PRR5L: variants seen among roughly 807,000 people sequenced by gnomAD.
PRR5L encodes proline-rich protein 5-like.
PRR5L carries 21 observed loss-of-function variants against 36.4 expected under a neutral mutation model. That is an observed-to-expected ratio of 0.58 (90% confidence interval 0.41 to 0.83). The LOEUF is 0.83. Among genes scored for constraint, PRR5L ranks in the 40% least tolerant of loss-of-function variants. The pLI, the probability that PRR5L is intolerant of heterozygous loss-of-function variation, is 0.00. For synonymous variants in PRR5L, 188 were observed against 197.0 expected (o/e 0.95, Z 0.38); for missense variants, 381 against 473.3 (o/e 0.80, Z 1.81).
intron 4 of PRR5L, among the ~76,000 whole-genome samples, chr11:36,419,521 T>C (rs1413831168): frequency 1.3e-5 from 2 of 152,244 alleles, no homozygotes; most frequent in Admixed American, 1.3e-4. Flanking sequence ...TCAGGCATTT[T>C]GGTCTCAGGA....
chr11:36,382,644 G>A (rs1857390262), intron 1 of PRR5L, among the ~76,000 whole-genome samples: 1 of 152,192 alleles, frequency 6.6e-6, no homozygotes. Flanking sequence ...CCCTATTGAT[G>A]GTTTTGGCGG....
intron 1 of PRR5L, among the ~76,000 whole-genome samples, chr11:36,343,905 GTT>G (rs1554986223): frequency 6.8e-6 from 1 of 147,638 alleles, no homozygotes; most frequent in African/African-American, 2.5e-5. Flanking sequence ...GTTTTATGTT[GTT>G]TTTTTTTTTT....
In PRR5L at chr11:36,446,361, A is replaced by T; in HGVS notation, c.506A>T (p.Lys169Met). 6.2e-7 allele frequency: 1 copy of T among 1,614,092 alleles called. No homozygotes were observed. The highest frequency in any genetic ancestry group is 2.2e-5 in the East Asian group (1 of 44,866). The change falls in exon 7 of 9, where the codon AAG (lysine) becomes ATG (methionine). Residue 169 changes from lysine (K) to methionine (M), a missense_variant. Coordinates refer to ENST00000530639, the MANE Select transcript of PRR5L (RefSeq NM_001160167.2). The stretch of plus-strand genomic sequence containing the variant: ...GGCTTCCGAGACCTAGTCTTGCTGA[A>T]GGTGAAGCTGGGTGACCTGCTGCTG... Reference protein sequence around the residue: ...LLGFRDLVLLKVKLGDLLLLA... With the variant: ...LLGFRDLVLLMVKLGDLLLLA...
intron 3 of PRR5L, among the ~76,000 whole-genome samples, chr11:36,417,687 A>G (rs10836556): frequency 0.3 from 45,692 of 152,086 alleles, 7,076 homozygotes; most frequent in East Asian, 0.58. Context: ...AATTCAAATC[A>G]TGGGTGGTTC....
intron 1 of PRR5L, among the ~76,000 whole-genome samples, chr11:36,302,785 G>A (rs1856390824): frequency 2.0e-5 from 3 of 151,876 alleles, no homozygotes; most frequent in East Asian, 1.9e-4. Flanking sequence ...GCGAGACTCT[G>A]TCTCAAAATA....
chr11:36,403,460 A>T, intron 3 of PRR5L, 82 bp downstream of exon 3: 2 of 965,290 alleles, frequency 2.1e-6, no homozygotes, highest in African/African-American at 2.1e-5. Flanking sequence ...AGGAGCCTTA[A>T]GGGTTTTTTT....
intron 1 of PRR5L, among the ~76,000 whole-genome samples, chr11:36,349,075 G>T (rs565832423): frequency 6.6e-5 from 10 of 151,938 alleles, no homozygotes; most frequent in Non-Finnish European, 1.2e-4. Flanking sequence ...ACTTGAGGCC[G>T]GGAGTTCAAG....
At chr11:36,371,773 T>C (rs962300617) in intron 1 of PRR5L, among the ~76,000 whole-genome samples, 2 of 152,126 alleles carry the variant, frequency 1.3e-5, no homozygotes, top group African/African-American at 4.8e-5. Flanking sequence ...AATGTGATAA[T>C]GTGGGCTGGG....
At chr11:36,297,320 T>G (rs1196788468) in intron 1 of PRR5L, 1 of 152,230 alleles carries the variant, frequency 6.6e-6, no homozygotes, top group African/African-American at 2.4e-5. Context: ...GTTGACAGCT[T>G]AAGGAATTTT....
At chr11:36,314,961 C>T (rs1401136588) in intron 1 of PRR5L, among the ~76,000 whole-genome samples, 8 of 152,154 alleles carry the variant, frequency 5.3e-5, no homozygotes, top group South Asian at 2.1e-4. Flanking sequence ...CATAGAACAG[C>T]GCCTGGTGTC....
chr11:36,384,379 G>A (rs1310786308), intron 1 of PRR5L, among the ~76,000 whole-genome samples: 1 of 152,064 alleles, frequency 6.6e-6, no homozygotes, highest in Non-Finnish European at 1.5e-5. Context: ...ATTACTTTTG[G>A]ATATTTCCTT....
intron 3 of PRR5L, among the ~76,000 whole-genome samples, chr11:36,404,457 G>A (rs778442880): frequency 6.6e-5 from 10 of 151,830 alleles, no homozygotes; most frequent in Non-Finnish European, 8.8e-5. Context: ...TAGTAGAGAC[G>A]AGGTTTCATC....
intron 1 of PRR5L, among the ~76,000 whole-genome samples, chr11:36,322,786 C>G (rs1015826454): frequency 1.3e-5 from 2 of 152,186 alleles, no homozygotes; most frequent in African/African-American, 2.4e-5. Context: ...GACCTAACCC[C>G]TCATACCTAT....
At chr11:36,308,855 T>G (rs1856462044) in intron 1 of PRR5L, among the ~76,000 whole-genome samples, 1 of 152,170 alleles carries the variant, frequency 6.6e-6, no homozygotes, top group South Asian at 2.1e-4. Context: ...GAGCATAACT[T>G]GGGTAGCCAC....
At chr11:36,436,602 A>C (rs577968219) in intron 5 of PRR5L, among the ~76,000 whole-genome samples, 1 of 152,344 alleles carries the variant, frequency 6.6e-6, no homozygotes, top group East Asian at 1.9e-4. Context: ...ACAGTTTCCA[A>C]GTTCTGTTTC....
At chr11:36,429,178 T>G (rs967744760) in intron 4 of PRR5L, among the ~76,000 whole-genome samples, 19 of 152,232 alleles carry the variant, frequency 1.2e-4, no homozygotes, top group African/African-American at 4.6e-4. Flanking sequence ...CAAATGATTT[T>G]CTAATTCAAA....
chr11:36,383,424 C>T (rs1011804393), intron 1 of PRR5L, among the ~76,000 whole-genome samples: 3 of 152,168 alleles, frequency 2.0e-5, no homozygotes, highest in African/African-American at 7.2e-5. Flanking sequence ...CAAACTTTGG[C>T]ATCAGACATG....
At chr11:36,365,647 TC>T (rs1212317276) in intron 1 of PRR5L, among the ~76,000 whole-genome samples, 1 of 152,158 alleles carries the variant, frequency 6.6e-6, no homozygotes, top group Non-Finnish European at 1.5e-5. Flanking sequence ...TATTATCCCT[TC>T]CCCTTCTTGG....
At position 36,393,790 on chromosome 11, in the gene PRR5L, G is replaced by A. The variant is rs547388103; in HGVS notation, c.-125-7207G>A. The A allele has an allele frequency of 5.9e-5, 9 of 152,202 alleles. No individual in the cohort carries two copies. In the South Asian group the frequency reaches 1.7e-3, roughly 28 times the overall value. 9.4% of individuals were successfully genotyped at this position (152,202 alleles called of 1,614,324 possible). On this transcript the variant is annotated intron_variant, in intron 1 of 8. Transcript: ENST00000530639. ...ATAGTATGGACATTTTAACAATATCGATTCTTTCAATCAGTGAACATGGAA... is the reference window on the plus strand; with the variant it reads ...ATAGTATGGACATTTTAACAATATCAATTCTTTCAATCAGTGAACATGGAA...
Sources: gnomAD v4.1 joint callset for allele counts (sites outside exome capture counted in the v4.1 genomes callset) on GRCh38, gnomAD v4.1.1 for gene constraint, MANE v1.5 for transcripts, NCBI Gene and HGNC (gene_info 2026-07-23, HGNC 2026-07-21) for gene names.